The following FBN1 variants were observed in gnomAD, a reference collection of about 807,000 sequenced individuals.
The protein encoded by FBN1 is fibrillin-1.
FBN1 carries 29 observed loss-of-function variants against 365.1 expected under a neutral mutation model. The observed-to-expected ratio is 0.08, with a 90% CI of 0.06 to 0.11. FBN1 has a LOEUF of 0.11. Ranked by LOEUF, FBN1 falls within the 10% of genes least tolerant of loss-of-function variation. The pLI is 1.00. For synonymous variants in FBN1, 1,210 were observed against 1,270.5 expected, an observed-to-expected ratio of 0.95 and a Z score of 1.01; for missense variants, 2,476 against 3,703.2, an observed-to-expected ratio of 0.67 and a Z score of 8.60.
rs543038735 is a variant in FBN1, at chr15:48,445,175, T to C, written c.5917+201A>G. Among the ~76,000 whole-genome samples the C allele has an allele frequency of 1.5e-4, 21 of 139,988 alleles. 1 individual carries two copies. The South Asian group carries it at 1.6e-3, about 11-fold the overall frequency. The allele number at this position is 139,988 out of a possible 152,430, so 91.8% of individuals were successfully genotyped here. On this transcript the variant is annotated intron_variant, in intron 48 of 65. Transcript: ENST00000316623. ...ATATATACATATATATATACACACA[T>C]ATATATATGTATATATATATACATA... is the stretch of plus-strand genomic sequence containing the variant.
chr15:48,437,251 A>G (rs1597526254), intron 52 of FBN1, 71 bp downstream of exon 52: 2 of 1,443,812 alleles, frequency 1.4e-6, no homozygotes, highest in East Asian at 2.3e-5. Context: ...ATGGAGAAAA[A>G]TAAGAATAAC....
intron 2 of FBN1, among the ~76,000 whole-genome samples, chr15:48,617,652 T>C (rs768102612): frequency 6.6e-6 from 1 of 152,174 alleles, no homozygotes; most frequent in Non-Finnish European, 1.5e-5. Flanking sequence ...CCAAACACCC[T>C]GGGGGATGAG....
Position 48,428,368 on chromosome 15 carries a change from G to T in FBN1, c.6975C>A (p.Ser2325Arg). 2 of 1,614,102 alleles carry T rather than the reference G, an allele frequency of 1.2e-6. No homozygotes were observed. Among genetic ancestry groups the T allele is most frequent in the Non-Finnish European group, 1.7e-6 (2 of 1,180,006 alleles). The change falls in exon 57 of 66, where the codon AGC becomes AGA. Residue 2325 changes from serine to arginine, a missense_variant. Physicochemically the swap from Ser to Arg is moderately radical, Grantham distance 110. Transcript: ENST00000316623. ...CACCAAGGCACTCGTCCTGGTTGGG[G>T]CTGGCGGTAAACCCATCATTACACT... is the stretch of plus-strand genomic sequence containing the variant. Reference protein sequence around the residue: ...TCECNDGFTASPNQDECLDNR... With the variant: ...TCECNDGFTARPNQDECLDNR...
At chr15:48,443,508 C>A (rs1047866381) in intron 49 of FBN1, among the ~76,000 whole-genome samples, 3 of 151,984 alleles carry the variant, frequency 2.0e-5, no homozygotes, top group Non-Finnish European at 4.4e-5. Context: ...AAATAACATG[C>A]TTAAAAAATT....
rs762967700 is a variant in FBN1 at position 48,441,748 on chromosome 15, A to G, written c.6136T>C (p.Leu2046=). The G allele has an allele frequency of 6.2e-7, 1 of 1,613,698 alleles. No individual in the cohort carries two copies. The highest frequency in any genetic ancestry group is 2.2e-5 in the East Asian group (1 of 44,872). Residue 2046 remains leucine (L), a synonymous_variant, in exon 50 of 66, where the codon TTG becomes CTG. Coordinates refer to ENST00000316623, the MANE Select transcript of FBN1 (RefSeq NM_000138.5). ...TGGCACCTTCTTCCACTGGAGGACA[A>G]GGAAAACCCTTCTGGACACAGACAT... The part of the protein sequence containing the change: ...FKCLCPEGFS[L]SSSGRRCQDL...
intron 5 of FBN1, among the ~76,000 whole-genome samples, chr15:48,597,088 T>C (rs769589575): frequency 1.3e-5 from 2 of 152,214 alleles, no homozygotes; most frequent in African/African-American, 4.8e-5. Context: ...CTGCCAAATA[T>C]GTCAGTTCCA....
At chr15:48,510,241 T>A (rs1358220887) in intron 13 of FBN1, 72 bp from the exon 14 acceptor site, 4 of 1,489,314 alleles carry the variant, frequency 2.7e-6, no homozygotes, top group Non-Finnish European at 3.7e-6. Context: ...TCCCCCTCCC[T>A]CCATTTGCAA....
intron 6 of FBN1, among the ~76,000 whole-genome samples, chr15:48,588,502 A>C (rs2044452732): frequency 6.6e-6 from 1 of 152,230 alleles, no homozygotes; most frequent in South Asian, 2.1e-4. Context: ...AGAGCTAAAA[A>C]AAAATGAAGT....
intron 35 of FBN1, among the ~76,000 whole-genome samples, chr15:48,472,068 T>G (rs1440848189): frequency 6.6e-6 from 1 of 152,262 alleles, no homozygotes; most frequent in Non-Finnish European, 1.5e-5. Context: ...CATACCATTC[T>G]ACGTATGGAC....
intron 2 of FBN1, among the ~76,000 whole-genome samples, chr15:48,626,813 G>C (rs1597641892): frequency 6.6e-6 from 1 of 151,916 alleles, no homozygotes; most frequent in East Asian, 1.9e-4. Flanking sequence ...TTAAATTTAA[G>C]GGAATTTAAC....
intron 55 of FBN1, among the ~76,000 whole-genome samples, chr15:48,431,544 TATG>T (rs1482237836): frequency 7.2e-5 from 11 of 152,220 alleles, no homozygotes; most frequent in Admixed American, 3.9e-4. Context: ...AATCACAATA[TATG>T]ATAAGGCAAT....
intron 15 of FBN1, among the ~76,000 whole-genome samples, chr15:48,507,956 T>C (rs1273493471): frequency 1.3e-5 from 2 of 152,158 alleles, no homozygotes; most frequent in Admixed American, 1.3e-4. Context: ...AAAATCCTCA[T>C]TTTTGCTTCG....
At chr15:48,478,383 A>G (rs2413906) in intron 32 of FBN1, among the ~76,000 whole-genome samples, 48,249 of 152,076 alleles carry the variant, frequency 0.32, 8,422 homozygotes, top group African/African-American at 0.47. Flanking sequence ...CATTTCTCTT[A>G]TGAAAGAAAC....
At chr15:48,613,334 A>G (rs1172446407) in intron 2 of FBN1, among the ~76,000 whole-genome samples, 1 of 152,208 alleles carries the variant, frequency 6.6e-6, no homozygotes, top group East Asian at 1.9e-4. Flanking sequence ...AAAACCAGAG[A>G]TACAAAATGT....
At chr15:48,641,319 C>T (rs528747401) in intron 2 of FBN1, 1 of 151,766 alleles carries the variant, frequency 6.6e-6, no homozygotes, top group South Asian at 2.1e-4. Flanking sequence ...AAAAAGAACA[C>T]CTGCAACAGG....
At chr15:48,416,159 G>T (rs2042902194) in intron 63 of FBN1, among the ~76,000 whole-genome samples, 1 of 152,182 alleles carries the variant, frequency 6.6e-6, no homozygotes, top group Non-Finnish European at 1.5e-5. Flanking sequence ...GTTCAAGGGG[G>T]GAGGAAAGGA....
chr15:48,417,430 CT>C (rs1449155604), intron 63 of FBN1, among the ~76,000 whole-genome samples: 5 of 118,170 alleles, frequency 4.2e-5, no homozygotes, highest in Admixed American at 8.4e-5. Flanking sequence ...TCCTTCCCCC[CT>C]CCCCTCCCCT....
chr15:48,417,262 T>C (rs1052103488), intron 63 of FBN1, among the ~76,000 whole-genome samples: 1 of 152,192 alleles, frequency 6.6e-6, no homozygotes, highest in African/African-American at 2.4e-5. Flanking sequence ...TTTTTTAAAT[T>C]AGAAAACAGG....
Position 48,494,142 on chromosome 15 carries a change from G to A in FBN1, c.2728+62C>T, listed in dbSNP as rs143004548. 1.8e-4 allele frequency: 233 copies of A among 1,306,966 alleles called. 3 individuals carry two copies. The Admixed American group carries it at 3.0e-3, about 17-fold the overall frequency. 81.0% of individuals were successfully genotyped at this position (1,306,966 alleles called of 1,614,324 possible). Reference sequence around the variant, plus strand: ...GTTATATGACAGCTTTATCCAGTCCGAGTTAACACAAACATTCATTATGCA... The same window carrying A: ...GTTATATGACAGCTTTATCCAGTCCAAGTTAACACAAACATTCATTATGCA... On this transcript the variant is annotated intron_variant, in intron 23 of 65. Coordinates refer to ENST00000316623, the MANE Select transcript of FBN1 (RefSeq NM_000138.5).
Sources: allele counts gnomAD v4.1 joint callset (sites outside exome capture counted in the v4.1 genomes callset), GRCh38; gene constraint gnomAD v4.1.1; transcripts MANE v1.5; gene names NCBI Gene and HGNC (gene_info 2026-07-23, HGNC 2026-07-21).